The following APOB variants were observed in gnomAD, a reference collection of about 807,000 sequenced individuals.
The protein encoded by APOB is apolipoprotein B.
APOB carries 153 observed loss-of-function variants against 314.1 expected under a neutral mutation model. The ratio of observed to expected loss-of-function variants is 0.49; its 90% CI spans 0.43 to 0.56. APOB has a LOEUF of 0.56. Among genes scored for constraint, APOB ranks in the 20% least tolerant of loss-of-function variants. The pLI is 0.00. For missense variants in APOB, 5,430 were observed against 5,350.7 expected, an observed-to-expected ratio of 1.01 and a Z score of -0.46; for synonymous variants, 2,087 against 2,036.4, an observed-to-expected ratio of 1.02 and a Z score of -0.67.
rs1236375961 is a variant in APOB, at chr2:21,016,521, T to C, written c.3250A>G (p.Thr1084Ala). ...AGTCTGTAAGACGTTTTGCCCTCAG[T>C]AGATTCATCATTAACTCTGAGGATT... ...GTILRVNDES[T>A]EGKTSYRLTL... Residue 1084 changes from threonine to alanine, a missense_variant, in exon 21 of 29, where the codon ACT (threonine) becomes GCT (alanine). Physicochemically the swap from Thr to Ala is moderately conservative, Grantham distance 58 (BLOSUM62 0). This residue lies in a region of APOB where 2,085 missense variants were observed against 2,079.7 expected (regional missense o/e 1.00). Coordinates refer to ENST00000233242, the MANE Select transcript of APOB (RefSeq NM_000384.3). The C allele has an allele frequency of 6.2e-7, 1 of 1,607,166 alleles. No homozygotes were observed. Among genetic ancestry groups the C allele is most frequent in the Admixed American group, 1.7e-5 (1 of 60,026 alleles).
Position 21,006,994 on chromosome 2 carries a change from C to T in APOB, c.9874G>A (p.Val3292Met), listed in dbSNP as rs1558561779. 6.2e-7 allele frequency: 1 copy of T among 1,613,998 alleles called. No homozygotes were observed. Among genetic ancestry groups the T allele is most frequent in the African/African-American group, 1.3e-5 (1 of 75,004 alleles). Residue 3292 changes from valine (V) to methionine (M), a missense_variant, in exon 26 of 29, where the codon GTG becomes ATG. Coordinates refer to ENST00000233242, the MANE Select transcript of APOB (RefSeq NM_000384.3). ...GGCAGGATTAATGTGTATGAAGGCA[C>T]ACGGACGTCAGAACCTAGGATGGAG... Reference protein sequence around the residue: ...SFSILGSDVRVPSYTLILPSL... With the variant: ...SFSILGSDVRMPSYTLILPSL...
At chr2:21,043,211 A>G (rs1363419517) in intron 2 of APOB, among the ~76,000 whole-genome samples, 1 of 152,086 alleles carries the variant, frequency 6.6e-6, no homozygotes, top group East Asian at 1.9e-4. Context: ...CGAATCAATG[A>G]CTAGTCACTG....
rs368776368 is a variant in APOB, at chr2:21,008,493, G to C, written c.8375C>G (p.Ser2792Cys). Residue 2792 changes from serine to cysteine, a missense_variant, in exon 26 of 29, where the codon TCC becomes TGC. Around this residue, in one of 3 missense-constraint regions of APOB, gnomAD observed 3,281 missense variants for 3,171.0 expected, o/e 1.03. Transcript: ENST00000233242. ...TSANEAGIAA[S>C]ITAKGESKLE... ...TTTGGACTCTCCTTTGGCAGTGATGGAAGCTGCGATACCTGCTTCGTTTGC... is the reference window on the plus strand; with the variant it reads ...TTTGGACTCTCCTTTGGCAGTGATGCAAGCTGCGATACCTGCTTCGTTTGC... The C allele has an allele frequency of 3.7e-6, 6 of 1,614,092 alleles. No homozygotes were observed. Among genetic ancestry groups the C allele is most frequent in the Non-Finnish European group, 5.1e-6 (6 of 1,179,966 alleles).
intron 9 of APOB, 119 bp from the exon 10 acceptor site, chr2:21,032,700 A>C (rs184773841): frequency 2.1e-6 from 1 of 477,500 alleles, no homozygotes; most frequent in Non-Finnish European, 3.5e-6. Flanking sequence ...TTCAAATCTA[A>C]CTTCAAAACC....
chr2:21,027,048 TTATCTAAA>T, intron 14 of APOB, 84 bp from the exon 15 acceptor site: 3 of 1,263,858 alleles, frequency 2.4e-6, no homozygotes, highest in Middle Eastern at 1.8e-4. Flanking sequence ...TGATGTCCAT[TTATCTAAA>T]CAAGTATTTG....
rs777879292 is a variant in APOB, at chr2:21,012,144, T to C, written c.4724A>G (p.Asn1575Ser). Residue 1575 changes from asparagine to serine, a missense_variant, in exon 26 of 29, where the codon AAT becomes AGT. This residue lies in a region of APOB where 2,085 missense variants were observed against 2,079.7 expected (regional missense o/e 1.00). Transcript: ENST00000233242. ...NYELTLKSDTNGKYKNFATSN... is the reference protein window; with the variant it reads ...NYELTLKSDTSGKYKNFATSN... Reference sequence around the variant, plus strand: ...AGTGGCAAAGTTCTTATACTTCCCATTGGTGTCAGATTTTAAAGTCAGCTC... The same window carrying C: ...AGTGGCAAAGTTCTTATACTTCCCACTGGTGTCAGATTTTAAAGTCAGCTC... 10 of 1,602,892 alleles carry C rather than the reference T, an allele frequency of 6.2e-6. No homozygotes were observed. The South Asian group carries it at 9.0e-5, about 14-fold the overall frequency.
chr2:21,024,514 G>A (rs1663686275), intron 16 of APOB: 1 of 304,382 alleles, frequency 3.3e-6, no homozygotes, highest in Non-Finnish European at 6.0e-6. Flanking sequence ...AGCTACTTGG[G>A]AGGCTGAGGC....
At chr2:21,021,509 T>C (rs535574122) in intron 18 of APOB, among the ~76,000 whole-genome samples, 1 of 152,326 alleles carries the variant, frequency 6.6e-6, no homozygotes, top group Non-Finnish European at 1.5e-5. Flanking sequence ...TTTCAACTCC[T>C]GTGCCTTCAA....
At chr2:21,015,903 C>A (rs1413579962) in intron 21 of APOB, among the ~76,000 whole-genome samples, 3 of 152,130 alleles carry the variant, frequency 2.0e-5, no homozygotes, top group Non-Finnish European at 4.4e-5. Context: ...GAGATAATTT[C>A]TTTAAAGCAC....
At chr2:21,032,091 G>T (rs1397050686) in intron 10 of APOB, among the ~76,000 whole-genome samples, 1 of 152,066 alleles carries the variant, frequency 6.6e-6, no homozygotes, top group East Asian at 1.9e-4. Context: ...GGTTTTCTAG[G>T]GGTTTTCCCT....
Position 21,043,495 on chromosome 2 carries a change from C to G in APOB, c.121+18G>C. On this transcript the variant is annotated intron_variant, in intron 2 of 28. Coordinates refer to ENST00000233242, the MANE Select transcript of APOB (RefSeq NM_000384.3). The stretch of plus-strand genomic sequence containing the variant: ...CGGGGCTGGGCGCCCTTCCACGCCC[C>G]ATGCGCAGATGCCTTACTTGGACAG... 3.8e-6 allele frequency: 6 copies of G among 1,598,776 alleles called. No individual in the cohort carries two copies. The highest frequency in any genetic ancestry group is 5.1e-6 in the Non-Finnish European group (6 of 1,172,566).
At position 21,002,053 on chromosome 2, in the gene APOB, C is replaced by T. The variant is rs183812948; in HGVS notation, c.13369G>A (p.Asp4457Asn). The T allele has an allele frequency of 4.2e-4, 677 of 1,613,922 alleles. 19 individuals carry two copies. In the Admixed American group the frequency reaches 9.6e-3, roughly 23 times the overall value. The change falls in exon 29 of 29, where the codon GAT becomes AAT. Residue 4457 changes from aspartate to asparagine, a missense_variant. By Grantham distance (23) the Asp-to-Asn change is conservative. Coordinates refer to ENST00000233242, the MANE Select transcript of APOB (RefSeq NM_000384.3). ...NIQEYLSILTDPDGKGKEKIA... is the reference protein window; with the variant it reads ...NIQEYLSILTNPDGKGKEKIA... ...TTCTCTTTCCCTTTTCCATCTGGAT[C>T]GGTAAGGATGCTAAGATATTCCTGA...
chr2:21,026,840 G>C lies in APOB; in HGVS notation c.2192C>G (p.Ser731Cys). Residue 731 changes from serine (S) to cysteine (C), a missense_variant, in exon 15 of 29, where the codon TCT becomes TGT. By Grantham distance (112) the Ser-to-Cys change is moderately radical (BLOSUM62 -1). Around this residue, in one of 3 missense-constraint regions of APOB, gnomAD observed 2,085 missense variants for 2,079.7 expected, o/e 1.00. Coordinates refer to ENST00000233242, the MANE Select transcript of APOB (RefSeq NM_000384.3). ...GCCAAAGTGGTCCACTAAGACCTTA[G>C]AGACACCATCAGGAACTTGACCATT... is the stretch of plus-strand genomic sequence containing the variant. The part of the protein sequence containing the change: ...WVNGQVPDGV[S>C]KVLVDHFGYT... 2.5e-6 allele frequency: 4 copies of C among 1,614,070 alleles called. No individual in the cohort carries two copies. Among genetic ancestry groups the C allele is most frequent in the Non-Finnish European group, 3.4e-6 (4 of 1,179,940 alleles).
rs758579572 is a variant in APOB at position 21,009,091 on chromosome 2, T to C, written c.7777A>G (p.Ile2593Val). ...TCAAAGGCAGGCATGGTCCCAAGGA[T>C]GGTCTTGATTTCAGGAACAGTGAAC... is the stretch of plus-strand genomic sequence containing the variant. ...QGFTVPEIKT[I>V]LGTMPAFEVS... is the part of the protein sequence containing the mutation. Residue 2593 changes from isoleucine (I) to valine (V), a missense_variant, in exon 26 of 29, where the codon ATC (isoleucine) becomes GTC (valine). Around this residue, in one of 3 missense-constraint regions of APOB, gnomAD observed 3,281 missense variants for 3,171.0 expected, o/e 1.03. Transcript: ENST00000233242. 5 of 1,613,960 alleles carry C rather than the reference T, an allele frequency of 3.1e-6. No individual in the cohort carries two copies. In the East Asian group the frequency reaches 1.1e-4, roughly 36 times the overall value.
At chr2:21,028,227 G>T (rs1663787331) in intron 13 of APOB, 100 bp downstream of exon 13, 1 of 1,220,648 alleles carries the variant, frequency 8.2e-7, no homozygotes, top group Non-Finnish European at 1.2e-6. Flanking sequence ...ACAAGTGTTT[G>T]TTTCAGAAGC....
intron 10 of APOB, among the ~76,000 whole-genome samples, chr2:21,030,313 C>T (rs190312402): frequency 7.2e-5 from 11 of 152,236 alleles, no homozygotes; most frequent in East Asian, 1.9e-4. Context: ...TTACAGTCAA[C>T]GGATCTTTGA....
At position 21,004,694 on chromosome 2, in the gene APOB, G is replaced by T; in HGVS notation, c.11789-19C>A. ...CCCAAAACTGTATAGGAGAGATTTT[G>T]TATTTTATTAGATTCATAACAGTAG... On this transcript the variant is annotated intron_variant, in intron 26 of 28. Coordinates refer to ENST00000233242, the MANE Select transcript of APOB (RefSeq NM_000384.3). 1 of 1,564,874 alleles carries T rather than the reference G, an allele frequency of 6.4e-7. No individual in the cohort carries two copies. The highest frequency in any genetic ancestry group is 8.8e-7 in the Non-Finnish European group (1 of 1,135,474).
intron 15 of APOB, 110 bp from the exon 16 acceptor site, chr2:21,025,234 C>T: frequency 9.4e-7 from 1 of 1,058,522 alleles, no homozygotes; most frequent in Non-Finnish European, 1.4e-6. Context: ...AAAAAATGCT[C>T]CAGGTGAGGA....
intron 10 of APOB, among the ~76,000 whole-genome samples, chr2:21,031,207 G>A (rs1572797821): frequency 6.6e-6 from 1 of 152,218 alleles, no homozygotes; most frequent in Admixed American, 6.5e-5. Context: ...CAACCTAAGT[G>A]TCTATCAATG....
Sources: allele counts gnomAD v4.1 joint callset (sites outside exome capture counted in the v4.1 genomes callset), GRCh38; gene constraint gnomAD v4.1.1; regional missense constraint gnomAD v4.1.1; transcripts MANE v1.5; gene names NCBI Gene and HGNC (gene_info 2026-07-23, HGNC 2026-07-21).